CALD1: variants seen among roughly 807,000 people sequenced by gnomAD.
The protein encoded by CALD1 is caldesmon.
A neutral mutation model predicts 99.9 loss-of-function variants in CALD1; 33 were observed. That is an observed-to-expected ratio of 0.33 (90% CI 0.25 to 0.44). The LOEUF (loss-of-function observed/expected upper bound fraction) is 0.44. CALD1 is among the 20% of genes least tolerant of loss of function. The pLI is 1.00. For missense variants in CALD1, 861 were observed against 962.1 expected, an observed-to-expected ratio of 0.89 and a Z score of 1.39; for synonymous variants, 310 against 325.0, an observed-to-expected ratio of 0.95 and a Z score of 0.50.
At chr7:134,718,926 G>A in the CALD1 span, among the ~76,000 whole-genome samples, 4 of 152,176 alleles carry the variant, frequency 2.6e-5, no homozygotes, top group Admixed American at 2.0e-4. Flanking sequence ...TTTGAGTCAA[G>A]TTGAATGAAA....
intron 1 of CALD1, among the ~76,000 whole-genome samples, chr7:134,840,524 G>T (rs1799609367): frequency 6.6e-6 from 1 of 152,178 alleles, no homozygotes; most frequent in Admixed American, 6.5e-5. Flanking sequence ...CTCAATGAAA[G>T]CACTGGACTG....
chr7:134,821,730 G>A (rs1004270051), intron 1 of CALD1, among the ~76,000 whole-genome samples: 7 of 151,256 alleles, frequency 4.6e-5, no homozygotes, highest in East Asian at 3.9e-4. Flanking sequence ...TTACAGGTGC[G>A]CACCACCACA....
intron 1 of CALD1, among the ~76,000 whole-genome samples, chr7:134,755,628 C>G (rs1796721035): frequency 6.6e-6 from 1 of 152,178 alleles, no homozygotes; most frequent in Non-Finnish European, 1.5e-5. Context: ...CGGTGGTGTA[C>G]AGTACACAGC....
chr7:134,941,073 G>A lies in CALD1; in HGVS notation c.1387-19G>A, dbSNP rs778353791. 1 of 1,587,362 alleles carries A rather than the reference G, an allele frequency of 6.3e-7. No homozygotes were observed. Among genetic ancestry groups the A allele is most frequent in the African/African-American group, 1.4e-5 (1 of 73,114 alleles). Reference sequence around the variant, plus strand: ...GATTTTTCTTGTTCTGTTTCTTCCTGATATGTACTGTTGGTTAGATCAAAG... The same window carrying A: ...GATTTTTCTTGTTCTGTTTCTTCCTAATATGTACTGTTGGTTAGATCAAAG... On this transcript the variant is annotated intron_variant, in intron 6 of 14. Transcript: ENST00000361675.
intron 2 of CALD1, among the ~76,000 whole-genome samples, chr7:134,864,278 C>G (rs887779882): frequency 2.1e-5 from 3 of 142,994 alleles, no homozygotes; most frequent in African/African-American, 8.0e-5. Flanking sequence ...ACCTGGGAGG[C>G]AAAGGCTGCA....
chr7:134,784,516 G>GCA (rs1797232290), intron 1 of CALD1, among the ~76,000 whole-genome samples: 1 of 152,224 alleles, frequency 6.6e-6, no homozygotes, highest in Non-Finnish European at 1.5e-5. Context: ...ATGACAGCCA[G>GCA]GTGAGTAAAG....
At chr7:134,768,662 A>G (rs752725096) in intron 1 of CALD1, among the ~76,000 whole-genome samples, 1 of 152,130 alleles carries the variant, frequency 6.6e-6, no homozygotes, top group Non-Finnish European at 1.5e-5. Flanking sequence ...AGAATGTCTC[A>G]TTTATATTGC....
chr7:134,855,662 C>T (rs1250684215), intron 2 of CALD1, among the ~76,000 whole-genome samples: 4 of 152,176 alleles, frequency 2.6e-5, no homozygotes, highest in Non-Finnish European at 5.9e-5. Flanking sequence ...TGTTTATATT[C>T]GGCTGCAGAA....
chr7:134,833,579 A>G (rs775890833), intron 1 of CALD1, among the ~76,000 whole-genome samples: 35 of 152,218 alleles, frequency 2.3e-4, no homozygotes, highest in Non-Finnish European at 5.0e-4. Flanking sequence ...GCACTGGAGA[A>G]TGATGTTTCC....
chr7:134,920,464 G>A (rs1352601925), intron 3 of CALD1: 2 of 1,032,726 alleles, frequency 1.9e-6, no homozygotes, highest in Admixed American at 9.4e-5. Flanking sequence ...AAAAGTAATT[G>A]ACTAAGAAGT....
At chr7:134,875,977 G>A (rs1801330932) in intron 3 of CALD1, among the ~76,000 whole-genome samples, 1 of 152,164 alleles carries the variant, frequency 6.6e-6, no homozygotes, top group Non-Finnish European at 1.5e-5. Flanking sequence ...TACATCATTA[G>A]GACAGGGACT....
chr7:134,884,239 G>C (rs937431676), intron 3 of CALD1, among the ~76,000 whole-genome samples: 3 of 152,142 alleles, frequency 2.0e-5, no homozygotes, highest in African/African-American at 7.2e-5. Flanking sequence ...TGAGTTTCAG[G>C]GTGGTGACAT....
rs1219871523 is a variant in CALD1, at chr7:134,953,703, T to TACAACCTACA, written c.1935+3191_1935+3192insAACCTACAAC. 2.2e-5 allele frequency among the ~76,000 whole-genome samples: 3 copies of TACAACCTACA among 134,514 alleles called. No homozygotes were observed. The East Asian group carries it at 7.6e-4, about 34-fold the overall frequency. 88.2% of individuals were successfully genotyped at this position (134,514 alleles called of 152,430 possible). ...TTTCAGGAGAAACTACAACCTACCCTACCCTCCTCTAATTATTTCTTCTCT... is the reference window on the plus strand; with the variant it reads ...TTTCAGGAGAAACTACAACCTACCCTACAACCTACAACCCTCCTCTAATTATTTCTTCTCT... On this transcript the variant is annotated intron_variant, in intron 9 of 14. Transcript: ENST00000361675.
At position 134,933,499 on chromosome 7, in the gene CALD1, A is replaced by G. The variant is rs201228363; in HGVS notation, c.730A>G (p.Arg244Gly). 6.2e-7 allele frequency: 1 copy of G among 1,613,994 alleles called. No individual in the cohort carries two copies. The highest frequency in any genetic ancestry group is 1.1e-5 in the South Asian group (1 of 91,052). Reference sequence around the variant, plus strand: ...AGAAGAGCCTAAACAAGAGGAGGAGAGGGAACAAGGTTCAGATGAGATTTC... The same window carrying G: ...AGAAGAGCCTAAACAAGAGGAGGAGGGGGAACAAGGTTCAGATGAGATTTC... ...SSEEPKQEEE[R>G]EQGSDEISHH... The change falls in exon 5 of 15, where the codon AGG (arginine) becomes GGG (glycine). Residue 244 changes from arginine (R) to glycine (G), a missense_variant. Physicochemically the swap from Arg to Gly is moderately radical, Grantham distance 125. Around this residue, in one of 5 missense-constraint regions of CALD1, gnomAD observed 234 missense variants for 233.1 expected, o/e 1.00. Coordinates refer to ENST00000361675, the MANE Select transcript of CALD1 (RefSeq NM_033138.4).
intron 1 of CALD1, among the ~76,000 whole-genome samples, chr7:134,812,439 C>A (rs1475752454): frequency 6.6e-6 from 1 of 151,994 alleles, no homozygotes. Flanking sequence ...TTCCAAGGAC[C>A]ACTTAGTGGG....
intron 6 of CALD1, among the ~76,000 whole-genome samples, chr7:134,939,031 T>C (rs1177041971): frequency 6.6e-6 from 1 of 152,246 alleles, no homozygotes; most frequent in Non-Finnish European, 1.5e-5. Context: ...TGGTTATCCC[T>C]AAAATGGGTT....
intron 8 of CALD1, 88 bp from the exon 9 acceptor site, chr7:134,950,286 C>T: frequency 7.3e-7 from 1 of 1,361,660 alleles, no homozygotes; most frequent in Non-Finnish European, 1.0e-6. Flanking sequence ...TCTGCTGCCT[C>T]TCCAACTGTG....
intron 12 of CALD1, 37 bp from the exon 13 acceptor site, chr7:134,960,496 T>C: frequency 8.0e-7 from 1 of 1,250,958 alleles, no homozygotes; most frequent in East Asian, 2.3e-5. Flanking sequence ...AAAGTTTACT[T>C]CATTCTTTAA....
the CALD1 span, among the ~76,000 whole-genome samples, chr7:134,718,164 T>C: frequency 7.2e-5 from 11 of 152,186 alleles, no homozygotes; most frequent in African/African-American, 2.7e-4. Context: ...AAACCCTAAG[T>C]TCTAGATTGA....
Sources: gnomAD v4.1 joint callset for allele counts (sites outside exome capture counted in the v4.1 genomes callset) on GRCh38, gnomAD v4.1.1 for gene constraint, gnomAD v4.1.1 regional missense constraint, MANE v1.5 for transcripts, NCBI Gene and HGNC (gene_info 2026-07-23, HGNC 2026-07-21) for gene names.